The following PPM1H variants were observed in gnomAD, a reference collection of about 807,000 sequenced individuals.
PPM1H encodes the protein protein phosphatase, Mg2+/Mn2+ dependent 1H.
In PPM1H, 27 loss-of-function variants were observed where a neutral mutation model predicts 54.9. The observed-to-expected ratio is 0.49, with a 90% confidence interval of 0.36 to 0.68. The LOEUF is 0.68. PPM1H is among the 30% of genes least tolerant of loss of function. PPM1H has a pLI of 0.00. For synonymous variants in PPM1H, 305 were observed against 270.8 expected (o/e 1.13, Z -1.24); for missense variants, 596 against 667.8 (o/e 0.89, Z 1.19).
intron 4 of PPM1H, among the ~76,000 whole-genome samples, chr12:62,773,923 C>A (rs2120657302): frequency 6.6e-6 from 1 of 152,298 alleles, no homozygotes; most frequent in African/African-American, 2.4e-5. Flanking sequence ...AGCATCTTAC[C>A]TGTCTTCTGC....
At chr12:62,690,151 A>T (rs1187806089) in intron 7 of PPM1H, among the ~76,000 whole-genome samples, 1 of 152,090 alleles carries the variant, frequency 6.6e-6, no homozygotes, top group African/African-American at 2.4e-5. Context: ...ATCAGTTCAT[A>T]TCAAACCCAA....
intron 8 of PPM1H, among the ~76,000 whole-genome samples, chr12:62,668,206 T>C (rs2075931295): frequency 6.6e-6 from 1 of 152,126 alleles, no homozygotes; most frequent in Non-Finnish European, 1.5e-5. Flanking sequence ...TCCATCCTAC[T>C]TCAATGTGGG....
chr12:62,886,515 G>A (rs1870595144), intron 1 of PPM1H, among the ~76,000 whole-genome samples: 1 of 152,106 alleles, frequency 6.6e-6, no homozygotes, highest in South Asian at 2.1e-4. Context: ...TAGTCACTCT[G>A]TTAGGAATGT....
At chr12:62,756,117 G>A in intron 4 of PPM1H, 1 of 892,690 alleles carries the variant, frequency 1.1e-6, no homozygotes, top group Admixed American at 1.7e-5. Flanking sequence ...CTTTGATGCT[G>A]GGGATGGCAT....
chr12:62,672,597 G>A (rs2075962681), intron 8 of PPM1H, among the ~76,000 whole-genome samples: 1 of 152,162 alleles, frequency 6.6e-6, no homozygotes, highest in Non-Finnish European at 1.5e-5. Flanking sequence ...AGTGGTGGGG[G>A]GAATCTCACC....
intron 4 of PPM1H, among the ~76,000 whole-genome samples, chr12:62,771,595 G>A (rs575668304): frequency 6.6e-6 from 1 of 152,194 alleles, no homozygotes; most frequent in African/African-American, 2.4e-5. Flanking sequence ...ATTTCACCTT[G>A]CATCATGTAT....
In PPM1H at chr12:62,857,157, C is replaced by T. The variant is rs530223125; in HGVS notation, c.246-24878G>A. Among the ~76,000 whole-genome samples, 20 of 152,206 alleles carry T rather than the reference C, an allele frequency of 1.3e-4. No individual in the cohort carries two copies. The East Asian group carries it at 3.3e-3, about 25-fold the overall frequency. On this transcript the variant is annotated intron_variant, in intron 1 of 9. Transcript: ENST00000228705. ...TGTGGTGGAGAAAGGAGGGATGTAA[C>T]TTATTTACCACAACATCCCTAGCAC... is the stretch of plus-strand genomic sequence containing the variant.
intron 7 of PPM1H, among the ~76,000 whole-genome samples, chr12:62,691,389 T>C (rs889776085): frequency 2.0e-5 from 3 of 152,206 alleles, no homozygotes; most frequent in East Asian, 3.9e-4. Context: ...CAATTTAATA[T>C]ATTGTCTTCA....
intron 1 of PPM1H, among the ~76,000 whole-genome samples, chr12:62,879,867 G>T (rs1870328246): frequency 6.6e-6 from 1 of 152,124 alleles, no homozygotes; most frequent in Non-Finnish European, 1.5e-5. Flanking sequence ...GGAATCTCTG[G>T]GAAGTTGGGT....
chr12:62,861,843 G>A (rs1565812740), intron 1 of PPM1H, among the ~76,000 whole-genome samples: 1 of 152,192 alleles, frequency 6.6e-6, no homozygotes, highest in Non-Finnish European at 1.5e-5. Context: ...AGCTCCAGCT[G>A]CCTGGGAATA....
intron 9 of PPM1H, among the ~76,000 whole-genome samples, chr12:62,654,593 T>C (rs2075834279): frequency 6.6e-6 from 1 of 152,200 alleles, no homozygotes; most frequent in Admixed American, 6.5e-5. Context: ...CTCTTCCAAA[T>C]GTACTTTACT....
rs1295078044 is a variant in PPM1H at position 62,648,255 on chromosome 12, A to G, written c.*234T>C. The G allele has an allele frequency of 2.0e-6, 1 of 495,010 alleles. No individual in the cohort carries two copies. The highest frequency in any genetic ancestry group is 3.6e-6 in the Non-Finnish European group (1 of 276,464). The allele number at this position is 495,010 out of a possible 1,614,324, so 30.7% of individuals were successfully genotyped here. On this transcript the variant is annotated 3_prime_UTR_variant, in exon 10 of 10. Transcript: ENST00000228705. ...GGCCTATGAAAGGAACTGAAATACA[A>G]CAACACTTGGTAGCAGCCTTTGTGT...
At chr12:62,912,128 T>A (rs963605938) in intron 1 of PPM1H, among the ~76,000 whole-genome samples, 1 of 152,186 alleles carries the variant, frequency 6.6e-6, no homozygotes, top group African/African-American at 2.4e-5. Context: ...AAAAAAGTGG[T>A]GATTATATGA....
chr12:62,719,082 A>G (rs191781499), intron 6 of PPM1H, among the ~76,000 whole-genome samples: 4 of 152,322 alleles, frequency 2.6e-5, no homozygotes. Flanking sequence ...ACCTTGTTGT[A>G]GAGGAAGAAG....
intron 8 of PPM1H, among the ~76,000 whole-genome samples, chr12:62,683,025 G>A (rs1284090936): frequency 7.1e-6 from 1 of 140,212 alleles, no homozygotes; most frequent in Non-Finnish European, 1.5e-5. Flanking sequence ...ATTTGGGAGA[G>A]TTTATTATTT....
Position 62,788,608 on chromosome 12 carries a change from AG to A in PPM1H, c.757-271del, listed in dbSNP as rs1448127209. ...CAGACAAAAATGCAAATAAAATGTAAGTTGTATTCAGTAAATATCACAGCTT... is the reference window on the plus strand; with the variant it reads ...CAGACAAAAATGCAAATAAAATGTAATTGTATTCAGTAAATATCACAGCTT... On this transcript the variant is annotated intron_variant, in intron 3 of 9. Coordinates refer to ENST00000228705, the MANE Select transcript of PPM1H (RefSeq NM_020700.2). 3 of 328,460 alleles carry A rather than the reference AG, an allele frequency of 9.1e-6. No individual in the cohort carries two copies. The Admixed American group carries it at 1.3e-4, about 14-fold the overall frequency. 20.3% of individuals were successfully genotyped at this position (328,460 alleles called of 1,614,324 possible). A position where few individuals can be genotyped will look rare whatever the true frequency, so the allele number is the denominator to read the frequency against.
chr12:62,877,482 G>A (rs903858799), intron 1 of PPM1H, among the ~76,000 whole-genome samples: 1 of 152,122 alleles, frequency 6.6e-6, no homozygotes, highest in Non-Finnish European at 1.5e-5. Flanking sequence ...AAGGTACCAC[G>A]CGATACGGTA....
At chr12:62,895,083 G>C (rs1269634312) in intron 1 of PPM1H, among the ~76,000 whole-genome samples, 3 of 152,156 alleles carry the variant, frequency 2.0e-5, no homozygotes, top group Non-Finnish European at 4.4e-5. Context: ...ATGAAGATAG[G>C]AGGAACTTCA....
At chr12:62,692,463 C>A (rs1450565684) in intron 7 of PPM1H, among the ~76,000 whole-genome samples, 1 of 152,214 alleles carries the variant, frequency 6.6e-6, no homozygotes, top group East Asian at 1.9e-4. Context: ...GGAAAGTATA[C>A]TGAACATAAC....
Sources: allele counts gnomAD v4.1 joint callset (sites outside exome capture counted in the v4.1 genomes callset), GRCh38; gene constraint gnomAD v4.1.1; transcripts MANE v1.5; gene names NCBI Gene and HGNC (gene_info 2026-07-23, HGNC 2026-07-21).